IQCM: variants seen among roughly 807,000 people sequenced by gnomAD.
IQCM encodes IQ motif containing M.
IQCM carries 45 observed loss-of-function variants against 57.6 expected under a neutral mutation model. The observed-to-expected ratio is 0.78, with a 90% confidence interval of 0.62 to 1.00. The LOEUF is 1.00. Among genes scored for constraint, IQCM ranks in the 50% least tolerant of loss-of-function variants. The pLI is 0.00. For missense variants in IQCM, 468 were observed against 511.6 expected (o/e 0.91, Z 0.82); for synonymous variants, 148 against 158.9 (o/e 0.93, Z 0.51).
At chr4:149,498,068 T>C (rs1347896789) in intron 12 of IQCM, among the ~76,000 whole-genome samples, 1 of 152,142 alleles carries the variant, frequency 6.6e-6, no homozygotes, top group East Asian at 1.9e-4. Flanking sequence ...CCTACCACCA[T>C]TACCCTGTAC....
chr4:149,739,787 C>T (rs1277612800), intron 3 of IQCM, among the ~76,000 whole-genome samples: 4 of 152,008 alleles, frequency 2.6e-5, no homozygotes, highest in Non-Finnish European at 4.4e-5. Context: ...TAGCTCTAAT[C>T]CCAAATATTT....
intron 2 of IQCM, among the ~76,000 whole-genome samples, chr4:149,808,546 A>G (rs1261219093): frequency 2.0e-5 from 3 of 152,168 alleles, no homozygotes; most frequent in African/African-American, 7.2e-5. Flanking sequence ...TCTAGAAGAG[A>G]ATAATTATAA....
chr4:149,805,694 A>G (rs1296579827), intron 2 of IQCM, among the ~76,000 whole-genome samples: 1 of 152,098 alleles, frequency 6.6e-6, no homozygotes, highest in Non-Finnish European at 1.5e-5. Flanking sequence ...GCATAAAAAG[A>G]ATTTGCAAAT....
chr4:149,677,693 C>A (rs1761870132), intron 7 of IQCM, among the ~76,000 whole-genome samples: 1 of 151,890 alleles, frequency 6.6e-6, no homozygotes, highest in Admixed American at 6.6e-5. Flanking sequence ...AAAGATTTAG[C>A]AACTGACCCT....
intron 2 of IQCM, among the ~76,000 whole-genome samples, chr4:149,792,085 T>A (rs1444233621): frequency 6.6e-6 from 1 of 152,092 alleles, no homozygotes; most frequent in African/African-American, 2.4e-5. Context: ...TTTCCATAAG[T>A]CTATGGAAAT....
chr4:149,424,828 A>G (rs923936448), intron 13 of IQCM, among the ~76,000 whole-genome samples: 1 of 151,968 alleles, frequency 6.6e-6, no homozygotes, highest in Admixed American at 6.6e-5. Flanking sequence ...TCATCCTTAT[A>G]AATAAATCCA....
At chr4:149,601,621 A>G (rs974596492) in intron 8 of IQCM, among the ~76,000 whole-genome samples, 5 of 152,212 alleles carry the variant, frequency 3.3e-5, no homozygotes, top group African/African-American at 1.2e-4. Context: ...TGCTTTCACC[A>G]AATTGTACTT....
intron 13 of IQCM, among the ~76,000 whole-genome samples, chr4:149,408,254 TAAAG>T (rs1290179680): frequency 1.3e-5 from 2 of 152,096 alleles, no homozygotes; most frequent in Non-Finnish European, 1.5e-5. Flanking sequence ...TATGGAGTAA[TAAAG>T]AAAATGAACT....
intron 7 of IQCM, among the ~76,000 whole-genome samples, chr4:149,679,971 A>T (rs1463746931): frequency 6.6e-6 from 1 of 151,450 alleles, no homozygotes; most frequent in Non-Finnish European, 1.5e-5. Context: ...TATTCCAAAA[A>T]AATGAACATT....
At chr4:149,457,099 C>T (rs1737784708) in intron 12 of IQCM, among the ~76,000 whole-genome samples, 1 of 151,984 alleles carries the variant, frequency 6.6e-6, no homozygotes, top group Non-Finnish European at 1.5e-5. Context: ...TTTTCTTCTC[C>T]TGAGGCCATA....
At chr4:149,424,753 C>T (rs993903113) in intron 13 of IQCM, among the ~76,000 whole-genome samples, 4 of 152,026 alleles carry the variant, frequency 2.6e-5, no homozygotes, top group African/African-American at 7.2e-5. Flanking sequence ...ATTTATTTAA[C>T]TATTCCCCTA....
At chr4:149,494,919 G>A (rs1356427151) in intron 12 of IQCM, among the ~76,000 whole-genome samples, 1 of 152,104 alleles carries the variant, frequency 6.6e-6, no homozygotes, top group Admixed American at 6.6e-5. Context: ...GGGTTGTATG[G>A]GGCCAAAGTG....
intron 13 of IQCM, among the ~76,000 whole-genome samples, chr4:149,415,385 G>A (rs761862957): frequency 4.6e-5 from 7 of 152,100 alleles, no homozygotes; most frequent in Non-Finnish European, 7.4e-5. Context: ...TATGCAAAAT[G>A]AAAAAGAAAG....
chr4:149,569,232 AATAG>A (rs528599292), intron 9 of IQCM, among the ~76,000 whole-genome samples: 1 of 152,332 alleles, frequency 6.6e-6, no homozygotes, highest in South Asian at 2.1e-4. Context: ...CCATTGTGGC[AATAG>A]ATAACTGATG....
intron 7 of IQCM, among the ~76,000 whole-genome samples, chr4:149,636,123 G>A (rs1030036999): frequency 2.0e-5 from 3 of 152,036 alleles, no homozygotes; most frequent in African/African-American, 4.8e-5. Flanking sequence ...TAATGATTTC[G>A]TTTTTCAGCT....
chr4:149,539,412 G>T (rs1747628982), intron 12 of IQCM, among the ~76,000 whole-genome samples: 2 of 152,042 alleles, frequency 1.3e-5, no homozygotes, highest in Non-Finnish European at 1.5e-5. Context: ...AGCTGCAAAT[G>T]GGCACAAAAT....
intron 6 of IQCM, among the ~76,000 whole-genome samples, chr4:149,684,753 C>T (rs886124196): frequency 4.0e-5 from 6 of 151,394 alleles, no homozygotes; most frequent in African/African-American, 1.5e-4. Context: ...CACCACGTCC[C>T]AAAGCACTTA....
intron 13 of IQCM, among the ~76,000 whole-genome samples, chr4:149,399,499 G>T (rs1578926826): frequency 6.6e-6 from 1 of 151,982 alleles, no homozygotes; most frequent in South Asian, 2.1e-4. Flanking sequence ...TAGAAGGAGG[G>T]TTATAGAGCT....
chr4:149,429,437 G>A (rs1315745269), intron 13 of IQCM, among the ~76,000 whole-genome samples: 2 of 151,814 alleles, frequency 1.3e-5, no homozygotes, highest in Non-Finnish European at 2.9e-5. Context: ...TATGACTTAT[G>A]CAGCATTCCA....
Sources: allele counts gnomAD v4.1 joint callset (sites outside exome capture counted in the v4.1 genomes callset), GRCh38; gene constraint gnomAD v4.1.1; transcripts MANE v1.5; gene names NCBI Gene and HGNC (gene_info 2026-07-23, HGNC 2026-07-21).